DMD: variants seen among roughly 807,000 people sequenced by gnomAD.
DMD encodes the protein dystrophin, also known as mutant dystrophin.
Under a neutral mutation model 330.1 loss-of-function variants are expected in DMD, and 63 were observed. That is an observed-to-expected ratio of 0.19 (90% CI 0.16 to 0.24). The LOEUF is 0.24. Ranked by LOEUF, DMD falls within the 10% of genes least tolerant of loss-of-function variation. The probability of loss-of-function intolerance (pLI) is 1.00; values close to 1 mark genes in which losing one functional copy is unlikely to be tolerated. For synonymous variants in DMD, 1,223 were observed against 959.8 expected (o/e 1.27, Z -5.07); for missense variants, 3,344 against 2,684.1 (o/e 1.25, Z -5.43).
At chrX:32,129,385 T>C (rs2096677323) in intron 44 of DMD, among the ~76,000 whole-genome samples, 1 of 111,203 alleles carries the variant, frequency 9.0e-6, no homozygotes, top group Middle Eastern at 4.7e-3. Flanking sequence ...CCTCTTGAGA[T>C]GTGGACCTCT....
intron 7 of DMD, among the ~76,000 whole-genome samples, chrX:32,727,902 C>CT (rs1491174941): frequency 1.8e-5 from 2 of 111,452 alleles, no homozygotes; most frequent in Non-Finnish European, 3.8e-5. Flanking sequence ...TTTAATTTAA[C>CT]TTTTTTTGTA....
chrX:32,859,116 G>A (rs981360494), intron 2 of DMD, among the ~76,000 whole-genome samples: 7 of 111,375 alleles, frequency 6.3e-5, no homozygotes, highest in African/African-American at 2.3e-4. Context: ...TGATTTTTAT[G>A]TTTCATTTTA....
At chrX:33,330,247 T>C (rs761157570) in intron 1 of DMD, among the ~76,000 whole-genome samples, 1 of 111,363 alleles carries the variant, frequency 9.0e-6, no homozygotes, top group East Asian at 2.9e-4. Context: ...CTCTTTTTAA[T>C]TTCCTAGGAG....
intron 54 of DMD, among the ~76,000 whole-genome samples, chrX:31,642,823 T>G (rs895000378): frequency 8.9e-6 from 1 of 112,076 alleles, no homozygotes; most frequent in Non-Finnish European, 1.9e-5. Context: ...CTTGGAAATA[T>G]GTTTGAAGAT....
At chrX:31,865,107 A>C (rs2093775941) in intron 48 of DMD, among the ~76,000 whole-genome samples, 1 of 112,243 alleles carries the variant, frequency 8.9e-6, no homozygotes. Context: ...GAGTAGAAAA[A>C]ACAAAAAGTA....
At chrX:31,755,254 A>G (rs1290158401) in intron 51 of DMD, among the ~76,000 whole-genome samples, 1 of 112,260 alleles carries the variant, frequency 8.9e-6, no homozygotes, top group Admixed American at 9.5e-5. Flanking sequence ...AAAATATTTG[A>G]GAGCAATTCC....
intron 29 of DMD, among the ~76,000 whole-genome samples, chrX:32,435,192 C>T (rs1176944987): frequency 2.1e-5 from 2 of 95,959 alleles, no homozygotes; most frequent in African/African-American, 3.8e-5. Context: ...ATTTATTTAC[C>T]AATCACTGCC....
chrX:32,515,458 G>C (rs1214924475), intron 18 of DMD, among the ~76,000 whole-genome samples: 3 of 111,231 alleles, frequency 2.7e-5, no homozygotes, highest in African/African-American at 9.8e-5. Flanking sequence ...TGACCATAAC[G>C]ACTTGATAGG....
At chrX:33,258,503 T>C (rs1403373320) in intron 1 of DMD, among the ~76,000 whole-genome samples, 1 of 111,444 alleles carries the variant, frequency 9.0e-6, no homozygotes, top group Non-Finnish European at 1.9e-5. Flanking sequence ...AATTTTTCAA[T>C]ATTATTATTA....
At chrX:32,642,854 T>C (rs921286894) in intron 11 of DMD, among the ~76,000 whole-genome samples, 1 of 111,346 alleles carries the variant, frequency 9.0e-6, no homozygotes, top group Non-Finnish European at 1.9e-5. Context: ...CACTGGTGGC[T>C]ATTATGGCAA....
intron 9 of DMD, among the ~76,000 whole-genome samples, chrX:32,645,744 C>T (rs1249372788): frequency 8.9e-6 from 1 of 111,761 alleles, no homozygotes; most frequent in Non-Finnish European, 1.9e-5. Flanking sequence ...TCCAGAAGGC[C>T]ACGATTTAAA....
intron 7 of DMD, among the ~76,000 whole-genome samples, chrX:32,701,182 G>A (rs991971986): frequency 1.8e-5 from 2 of 111,764 alleles, no homozygotes; most frequent in African/African-American, 3.2e-5. Flanking sequence ...GAAACTGCTA[G>A]TCTGCTACAT....
At chrX:31,436,810 G>T (rs1192848867) in intron 60 of DMD, among the ~76,000 whole-genome samples, 1 of 111,553 alleles carries the variant, frequency 9.0e-6, no homozygotes, top group African/African-American at 3.3e-5. Flanking sequence ...TCTCCTTACT[G>T]AAAAGATGTT....
At chrX:31,657,075 G>A (rs759714697) in intron 54 of DMD, among the ~76,000 whole-genome samples, 2 of 111,797 alleles carry the variant, frequency 1.8e-5, no homozygotes, top group Non-Finnish European at 3.8e-5. Context: ...CCCCAGTGGT[G>A]ACTTTTACTT....
At chrX:31,672,690 T>C (rs2081873177) in intron 53 of DMD, among the ~76,000 whole-genome samples, 1 of 112,317 alleles carries the variant, frequency 8.9e-6, no homozygotes, top group South Asian at 3.7e-4. Context: ...AATTTAATTT[T>C]AGTTATTGTG....
intron 7 of DMD, among the ~76,000 whole-genome samples, chrX:32,728,905 A>C (rs748043737): frequency 8.9e-6 from 1 of 111,930 alleles, no homozygotes; most frequent in East Asian, 2.8e-4. Context: ...GCCATGCCAA[A>C]CTGAAATACT....
intron 9 of DMD, among the ~76,000 whole-genome samples, chrX:32,665,208 A>G (rs1456057115): frequency 8.9e-6 from 1 of 112,025 alleles, no homozygotes; most frequent in Non-Finnish European, 1.9e-5. Flanking sequence ...TACATTTGGC[A>G]ATTGAGTGTT....
At chrX:31,652,251 T>C (rs978156651) in intron 54 of DMD, among the ~76,000 whole-genome samples, 3 of 111,753 alleles carry the variant, frequency 2.7e-5, no homozygotes, top group African/African-American at 9.7e-5. Context: ...TACCACATTT[T>C]CATGGCAGCA....
chrX:31,459,435 C>T (rs2066395970), intron 59 of DMD, among the ~76,000 whole-genome samples: 1 of 112,063 alleles, frequency 8.9e-6, no homozygotes, highest in Non-Finnish European at 1.9e-5. Flanking sequence ...TCCTGTACTT[C>T]GGCATATATT....
Sources: allele counts gnomAD v4.1 joint callset (sites outside exome capture counted in the v4.1 genomes callset), GRCh38; gene constraint gnomAD v4.1.1; transcripts MANE v1.5; gene names NCBI Gene and HGNC (gene_info 2026-07-23, HGNC 2026-07-21).